PPP1R7: variants seen among roughly 807,000 people sequenced by gnomAD.
PPP1R7 encodes the protein protein phosphatase 1 regulatory subunit 7.
PPP1R7 carries 18 observed loss-of-function variants against 45.2 expected under a neutral mutation model. The ratio of observed to expected loss-of-function variants is 0.40; its 90% CI spans 0.28 to 0.59. The LOEUF is 0.59. Among genes scored for constraint, PPP1R7 ranks in the 20% least tolerant of loss-of-function variants. The probability of loss-of-function intolerance (pLI) is 0.46; values close to 1 mark genes in which losing one functional copy is unlikely to be tolerated. For missense variants in PPP1R7, 314 were observed against 455.8 expected (o/e 0.69, Z 2.83); for synonymous variants, 181 against 183.4 (o/e 0.99, Z 0.11).
At chr2:241,149,575 A>G, upstream of PPP1R7, 1 of 1,401,586 alleles carries the variant, frequency 7.1e-7, no homozygotes, top group Non-Finnish European at 9.7e-7. Context: ...GCCAGAGTCT[A>G]GAAGCCCGCG....
chr2:241,167,211 C>A (rs1379620162), intron 8 of PPP1R7: 4 of 756,074 alleles, frequency 5.3e-6, no homozygotes, highest in Middle Eastern at 4.9e-4. Flanking sequence ...AAATTGCCAG[C>A]AAATACAACC....
Position 241,169,825 on chromosome 2 carries a change from G to A in PPP1R7, c.864G>A (p.Lys288=), listed in dbSNP as rs149043121. The A allele has an allele frequency of 2.5e-6, 4 of 1,613,204 alleles. No homozygotes were observed. The highest frequency in any genetic ancestry group is 3.4e-6 in the Non-Finnish European group (4 of 1,179,140). The change falls in exon 9 of 10, where the codon AAG becomes AAA. Residue 288 remains lysine (K), a synonymous_variant. Coordinates refer to ENST00000234038, the MANE Select transcript of PPP1R7 (RefSeq NM_002712.3). ...ACATTGCATCAAATAGAATCAAAAA[G>A]ATTGAAAATATCAGCCATCTAACAG... ...MLDIASNRIK[K]IENISHLTEL...
At chr2:241,150,065 G>A, upstream of PPP1R7, 1 of 1,332,694 alleles carries the variant, frequency 7.5e-7, no homozygotes, top group Non-Finnish European at 9.6e-7. Flanking sequence ...ATGCACGTAG[G>A]ACTGGCCCGC....
intron 5 of PPP1R7, 122 bp from the exon 6 acceptor site, chr2:241,160,210 T>G: frequency 1.1e-5 from 4 of 379,070 alleles, no homozygotes; most frequent in East Asian, 8.5e-5. Context: ...CCCCCCACCC[T>G]CTCCCACCCG....
chr2:241,150,133 G>A (rs1053992341), upstream of PPP1R7: 3 of 1,269,914 alleles, frequency 2.4e-6, no homozygotes, highest in Admixed American at 1.2e-4. Context: ...CTCCGAGGTC[G>A]AGACAGTGAC....
chr2:241,154,672 T>A (rs1317897223), intron 2 of PPP1R7, among the ~76,000 whole-genome samples: 2 of 152,060 alleles, frequency 1.3e-5, no homozygotes, highest in African/African-American at 4.8e-5. Flanking sequence ...ACCACTGCAC[T>A]CCAGCCGGGG....
rs1413424319 is a variant in PPP1R7, at chr2:241,160,375, G to T, written c.478G>T (p.Val160Phe). 2 of 1,612,028 alleles carry T rather than the reference G, an allele frequency of 1.2e-6. No homozygotes were observed. Among genetic ancestry groups the T allele is most frequent in the Non-Finnish European group, 1.7e-6 (2 of 1,179,500 alleles). The change falls in exon 6 of 10, where the codon GTT (valine) becomes TTT (phenylalanine). Residue 160 changes from valine to phenylalanine, a missense_variant. By Grantham distance (50) the Val-to-Phe change is conservative (BLOSUM62 -1). This residue lies in a region of PPP1R7 where 168 missense variants were observed against 285.3 expected (regional missense o/e 0.59). Coordinates refer to ENST00000234038, the MANE Select transcript of PPP1R7 (RefSeq NM_002712.3). The part of the protein sequence containing the change: ...SFNLLRNIEG[V>F]DKLTRLKKLF... ...TAATCTGCTGAGAAACATCGAAGGG[G>T]TTGACAAGTTGACACGACTGAAAAA...
At position 241,182,669 on chromosome 2, in the gene PPP1R7, G is replaced by A; in HGVS notation, c.929G>A (p.Ser310Asn). The A allele has an allele frequency of 6.2e-7, 1 of 1,614,210 alleles. No homozygotes were observed. Among genetic ancestry groups the A allele is most frequent in the Non-Finnish European group, 8.5e-7 (1 of 1,180,040 alleles). Residue 310 changes from serine (S) to asparagine (N), a missense_variant, in exon 10 of 10, where the codon AGC (serine) becomes AAC (asparagine). By Grantham distance (46) the Ser-to-Asn change is conservative (BLOSUM62 1). Transcript: ENST00000234038. ...CAGATGAACGACAATCTCCTTGAGAGCTGGAGCGACCTCGACGAGCTGAAG... is the reference window on the plus strand; with the variant it reads ...CAGATGAACGACAATCTCCTTGAGAACTGGAGCGACCTCGACGAGCTGAAG... ...EFWMNDNLLE[S>N]WSDLDELKGA... is the part of the protein sequence containing the mutation.
At chr2:241,167,095 CCCT>C (rs1664265662) in intron 8 of PPP1R7, 2 of 1,609,376 alleles carry the variant, frequency 1.2e-6, no homozygotes, top group Admixed American at 1.7e-5. Context: ...AGAGCCCCCA[CCCT>C]CCTCAGCTGC....
chr2:241,163,266 T>C lies in PPP1R7; in HGVS notation c.598-19T>C. 6.4e-7 allele frequency: 1 copy of C among 1,555,914 alleles called. No homozygotes were observed. Among genetic ancestry groups the C allele is most frequent in the Non-Finnish European group, 8.9e-7 (1 of 1,127,328 alleles). On this transcript the variant is annotated intron_variant, in intron 6 of 9. Coordinates refer to ENST00000234038, the MANE Select transcript of PPP1R7 (RefSeq NM_002712.3). ...GCCTGTCAACTGCAGTACTCATTGC[T>C]GTTCTGTCCTTTCCACAGGCAATCG...
At chr2:241,178,745 C>T (rs949440287) in intron 9 of PPP1R7, among the ~76,000 whole-genome samples, 1 of 144,186 alleles carries the variant, frequency 6.9e-6, no homozygotes, top group African/African-American at 2.6e-5. Flanking sequence ...GCCTCAGCCT[C>T]CCGAGTAGCT....
At chr2:241,164,082 A>G (rs77379273) in intron 7 of PPP1R7, among the ~76,000 whole-genome samples, 3,562 of 151,874 alleles carry the variant, frequency 0.023, 283 homozygotes, top group East Asian at 0.21. Context: ...ATGCCTGGCT[A>G]ATTTTTGTAT....
At chr2:241,155,575 C>T (rs949528892) in intron 2 of PPP1R7, among the ~76,000 whole-genome samples, 5 of 152,202 alleles carry the variant, frequency 3.3e-5, no homozygotes, top group African/African-American at 1.2e-4. Flanking sequence ...ATATATAATA[C>T]ACTCAGAAGG....
At chr2:241,156,713 A>G (rs1268333674) in intron 2 of PPP1R7, among the ~76,000 whole-genome samples, 2 of 152,248 alleles carry the variant, frequency 1.3e-5, no homozygotes, top group Non-Finnish European at 2.9e-5. Flanking sequence ...TTAAAAGAGA[A>G]ATACCATCTA....
chr2:241,180,510 G>A (rs142041979), intron 9 of PPP1R7, among the ~76,000 whole-genome samples: 107 of 152,104 alleles, frequency 7.0e-4, no homozygotes, highest in African/African-American at 2.3e-3. Flanking sequence ...CCTGCAGGCC[G>A]TGGGTTGGAC....
At chr2:241,162,613 A>T (rs2149057559) in intron 6 of PPP1R7, among the ~76,000 whole-genome samples, 1 of 151,670 alleles carries the variant, frequency 6.6e-6, no homozygotes, top group East Asian at 1.9e-4. Flanking sequence ...TGAGGGTCCC[A>T]GGATTTCAAA....
chr2:241,158,687 C>G (rs1292436479), intron 4 of PPP1R7, 138 bp downstream of exon 4: 7 of 773,700 alleles, frequency 9.0e-6, no homozygotes, highest in Non-Finnish European at 1.5e-5. Flanking sequence ...TGTAGCAGGC[C>G]TTTCTTTACT....
chr2:241,151,448 G>A (rs2067301350), intron 1 of PPP1R7: 2 of 471,008 alleles, frequency 4.2e-6, no homozygotes, highest in Non-Finnish European at 8.8e-6. Flanking sequence ...AGCAGGGCGA[G>A]CTCTGAGCTG....
chr2:241,151,526 C>T (rs2067304445), intron 1 of PPP1R7: 1 of 471,082 alleles, frequency 2.1e-6, no homozygotes, highest in Non-Finnish European at 4.4e-6. Flanking sequence ...AAGAATCACT[C>T]AAGACGGAGA....
Sources: gnomAD v4.1 joint callset for allele counts (sites outside exome capture counted in the v4.1 genomes callset) on GRCh38, gnomAD v4.1.1 for gene constraint, gnomAD v4.1.1 regional missense constraint, MANE v1.5 for transcripts, NCBI Gene and HGNC (gene_info 2026-07-23, HGNC 2026-07-21) for gene names.